Variants in PAN3 observed in about 807,000 individuals in gnomAD.
PAN3 encodes the protein poly(A) specific ribonuclease subunit PAN3.
PAN3 carries 19 observed loss-of-function variants against 96.2 expected under a neutral mutation model. The ratio of observed to expected loss-of-function variants is 0.20; its 90% CI spans 0.14 to 0.29. PAN3 has a LOEUF of 0.29. Ranked by LOEUF, PAN3 falls within the 10% of genes least tolerant of loss-of-function variation. The pLI is 1.00. For synonymous variants in PAN3, 433 were observed against 406.6 expected, an observed-to-expected ratio of 1.06 and a Z score of -0.78; for missense variants, 882 against 1,108.1, an observed-to-expected ratio of 0.80 and a Z score of 2.90.
intron 4 of PAN3, among the ~76,000 whole-genome samples, chr13:28,187,823 A>G (rs1876688054): frequency 1.3e-5 from 2 of 152,012 alleles, no homozygotes; most frequent in East Asian, 3.9e-4. Context: ...TACCCAACTT[A>G]GCTGGGACTA....
intron 1 of PAN3, among the ~76,000 whole-genome samples, chr13:28,159,312 G>C (rs1045763797): frequency 2.6e-5 from 4 of 152,160 alleles, no homozygotes; most frequent in African/African-American, 4.8e-5. Context: ...CAACATGGTT[G>C]GAGCTGGAGG....
chr13:28,255,745 C>CT (rs898311351), intron 6 of PAN3, among the ~76,000 whole-genome samples: 191 of 143,600 alleles, frequency 1.3e-3, no homozygotes, highest in East Asian at 2.8e-3. Context: ...TGTATTTCAA[C>CT]TTTTTTTTTT....
chr13:28,291,861 T>C (rs1031335927), intron 18 of PAN3, among the ~76,000 whole-genome samples: 1 of 152,130 alleles, frequency 6.6e-6, no homozygotes, highest in African/African-American at 2.4e-5. Flanking sequence ...TAAAAACTTA[T>C]AAATTCATGG....
intron 17 of PAN3, among the ~76,000 whole-genome samples, chr13:28,284,251 GTC>G (rs1046718886): frequency 2.9e-4 from 44 of 152,174 alleles, no homozygotes; most frequent in African/African-American, 1.0e-3. Context: ...ATGTTTGAGG[GTC>G]TGTTTTATGC....
At chr13:28,165,198 G>T (rs1566150241) in intron 1 of PAN3, among the ~76,000 whole-genome samples, 2 of 152,010 alleles carry the variant, frequency 1.3e-5, no homozygotes, top group African/African-American at 4.8e-5. Flanking sequence ...GAGCTAATGT[G>T]CCCAGCCGAA....
intron 4 of PAN3, among the ~76,000 whole-genome samples, chr13:28,181,633 TGTATGCCTTAGGGCA>T (rs1875801873): frequency 6.6e-6 from 1 of 152,128 alleles, no homozygotes; most frequent in Non-Finnish European, 1.5e-5. Flanking sequence ...GTGGTGAGAA[TGTATGCCTTAGGGCA>T]GTACTACTCA....
At chr13:28,268,810 CT>C (rs1176975281) in intron 12 of PAN3, among the ~76,000 whole-genome samples, 1 of 151,702 alleles carries the variant, frequency 6.6e-6, no homozygotes, top group African/African-American at 2.4e-5. Flanking sequence ...TTACTTGTTA[CT>C]TCTTTTTTTT....
intron 4 of PAN3, among the ~76,000 whole-genome samples, chr13:28,187,158 C>G (rs1876586680): frequency 1.3e-5 from 2 of 151,824 alleles, no homozygotes; most frequent in South Asian, 2.1e-4. Flanking sequence ...GAAACACTGT[C>G]TCTACAAAAA....
At chr13:28,154,475 C>T (rs939232798) in intron 1 of PAN3, among the ~76,000 whole-genome samples, 1 of 151,620 alleles carries the variant, frequency 6.6e-6, no homozygotes, top group Non-Finnish European at 1.5e-5. Flanking sequence ...GCCAGATAGA[C>T]CTTGCAGTTT....
At position 28,271,162 on chromosome 13, in the gene PAN3, A is replaced by C. The variant is rs1382257726; in HGVS notation, c.1958+296A>C. On this transcript the variant is annotated intron_variant, in intron 13 of 18. Transcript: ENST00000380958. ...TTTCTATGTAGCACCATGGTTCACA[A>C]ATTCTAGCATGAATCAGAATCACCT... 5.9e-5 allele frequency among the ~76,000 whole-genome samples: 9 copies of C among 152,308 alleles called. 1 individual carries two copies. The South Asian group carries it at 1.7e-3, about 28-fold the overall frequency.
At chr13:28,215,128 G>C in intron 5 of PAN3, 1 of 763,944 alleles carries the variant, frequency 1.3e-6, no homozygotes, top group Non-Finnish European at 2.3e-6. Flanking sequence ...CTGGAGCCAA[G>C]TGCTAACATG....
chr13:28,212,763 G>A (rs1050046660), intron 5 of PAN3, among the ~76,000 whole-genome samples: 5 of 152,124 alleles, frequency 3.3e-5, no homozygotes, highest in African/African-American at 9.7e-5. Context: ...TGAACTTGAA[G>A]GCATAGCAAT....
In PAN3 at chr13:28,235,066, A is replaced by G. The variant is rs780709059; in HGVS notation, c.1000+14688A>G. 7.9e-5 allele frequency among the ~76,000 whole-genome samples: 12 copies of G among 152,258 alleles called. No individual in the cohort carries two copies. In the Middle Eastern group the frequency reaches 0.01, roughly 130 times the overall value. On this transcript the variant is annotated intron_variant, in intron 6 of 18. Coordinates refer to ENST00000380958, the MANE Select transcript of PAN3 (RefSeq NM_175854.8). ...CCTGCATAATCTGTTTTATATACCTATAATCTCACCTGTCATTCTTTCCCT... is the reference window on the plus strand; with the variant it reads ...CCTGCATAATCTGTTTTATATACCTGTAATCTCACCTGTCATTCTTTCCCT...
chr13:28,270,993 G>T, intron 13 of PAN3, 127 bp downstream of exon 13: 3 of 955,786 alleles, frequency 3.1e-6, no homozygotes, highest in East Asian at 2.8e-5. Context: ...CTGTAACTTT[G>T]AATTCATTTG....
At chr13:28,178,641 A>T (rs1875367128) in intron 4 of PAN3, among the ~76,000 whole-genome samples, 1 of 152,156 alleles carries the variant, frequency 6.6e-6, no homozygotes, top group Admixed American at 6.5e-5. Flanking sequence ...TAAAGTTATA[A>T]CATTGTTTCC....
intron 6 of PAN3, among the ~76,000 whole-genome samples, chr13:28,250,207 T>C (rs1884591588): frequency 6.6e-6 from 1 of 152,036 alleles, no homozygotes; most frequent in Non-Finnish European, 1.5e-5. Flanking sequence ...AACTCTTTTT[T>C]TTTTTTTTAA....
intron 1 of PAN3, among the ~76,000 whole-genome samples, chr13:28,171,720 A>G (rs185884140): frequency 6.6e-6 from 1 of 152,154 alleles, no homozygotes; most frequent in African/African-American, 2.4e-5. Flanking sequence ...ACCGGCCCAC[A>G]AACTCCTTGA....
At position 28,176,555 on chromosome 13, in the gene PAN3, C is replaced by T. The variant is rs370039897; in HGVS notation, c.615C>T (p.Ala205=). The T allele has an allele frequency of 2.1e-4, 345 of 1,613,382 alleles. 1 individual carries two copies. The highest frequency in any genetic ancestry group is 2.8e-4 in the Non-Finnish European group (334 of 1,179,406). Residue 205 remains alanine (A), a synonymous_variant, in exon 3 of 19, where the codon GCC becomes GCT. Coordinates refer to ENST00000380958, the MANE Select transcript of PAN3 (RefSeq NM_175854.8). ...ATGACAGTGCCAAGCCATATTCAGC[C>T]CATGGTAAGACCTGATCCCTTTTGC... ...LLNDSAKPYS[A]HDPLTSPASS...
Position 28,138,699 on chromosome 13 carries a change from C to T in PAN3, c.42C>T (p.Ala14=), listed in dbSNP as rs1322766521. The change falls in exon 1 of 19, where the codon GCC becomes GCT. Residue 14 remains alanine, a synonymous_variant. Transcript: ENST00000380958. ...GCCTCCCGCCCCCCTCGGCCGCCGCCTCCCCTTCCTCCTCCTCGCTGGCGG... is the reference window on the plus strand; with the variant it reads ...GCCTCCCGCCCCCCTCGGCCGCCGCTTCCCCTTCCTCCTCCTCGCTGGCGG... ...GGGLPPPSAA[A]SPSSSSLAAA... is the part of the protein sequence containing the mutation. The T allele has an allele frequency of 2.7e-6, 3 of 1,104,886 alleles. No individual in the cohort carries two copies. The highest frequency in any genetic ancestry group is 3.5e-6 in the Non-Finnish European group (3 of 846,888). The allele number at this position is 1,104,886 out of a possible 1,614,324, so 68.4% of individuals were successfully genotyped here. A position where few individuals can be genotyped will look rare whatever the true frequency, so the allele number is the denominator to read the frequency against.
Sources: gnomAD v4.1 joint callset for allele counts (sites outside exome capture counted in the v4.1 genomes callset) on GRCh38, gnomAD v4.1.1 for gene constraint, MANE v1.5 for transcripts, NCBI Gene and HGNC (gene_info 2026-07-23, HGNC 2026-07-21) for gene names.